The following CABIN1 variants were observed in gnomAD, a reference collection of about 807,000 sequenced individuals.
The protein encoded by CABIN1 is calcineurin binding protein 1.
A neutral mutation model predicts 227.7 loss-of-function variants in CABIN1; 133 were observed. That is an observed-to-expected ratio of 0.58 (90% CI 0.51 to 0.67). CABIN1 has a LOEUF of 0.67. CABIN1 is among the 30% of genes least tolerant of loss of function. The pLI is 0.00. For missense variants in CABIN1, 2,408 were observed against 2,852.5 expected (o/e 0.84, Z 3.55); for synonymous variants, 1,086 against 1,155.1 (o/e 0.94, Z 1.21).
At chr22:24,148,515 G>T (rs2267062) in intron 29 of CABIN1, among the ~76,000 whole-genome samples, 42,093 of 152,072 alleles carry the variant, frequency 0.28, 7,152 homozygotes, top group African/African-American at 0.47. Context: ...GCACCTGGTC[G>T]AAGTCCAGCA....
chr22:24,088,854 C>G (rs963864097), intron 23 of CABIN1, among the ~76,000 whole-genome samples: 1 of 152,196 alleles, frequency 6.6e-6, no homozygotes, highest in Admixed American at 6.5e-5. Context: ...CACTCAGCAC[C>G]ACACTGTTGA....
At position 24,167,131 on chromosome 22, in the gene CABIN1, G is replaced by T. The variant is rs2046498680; in HGVS notation, c.5500G>T (p.Gly1834Cys). 6.3e-7 allele frequency: 1 copy of T among 1,583,910 alleles called. No individual in the cohort carries two copies. ...PATTTGTRAG[G>C]HPEEPLSRLS... ...CACCACCACAGGGACCAGGGCAGGG[G>T]GCCACCCGGAGGAGCCGCTCTCCCG... Residue 1834 changes from glycine (G) to cysteine (C), a missense_variant, in exon 32 of 37, where the codon GGC becomes TGC. Around this residue, in one of 3 missense-constraint regions of CABIN1, gnomAD observed 714 missense variants for 773.8 expected, o/e 0.92. Transcript: ENST00000263119.
intron 29 of CABIN1, among the ~76,000 whole-genome samples, chr22:24,157,224 T>C (rs1346917191): frequency 1.3e-5 from 2 of 152,114 alleles, no homozygotes; most frequent in African/African-American, 2.4e-5. Flanking sequence ...TGGGGCCCCT[T>C]TCCTCCCAAC....
At chr22:24,053,092 T>C (rs1334162994) in intron 8 of CABIN1, among the ~76,000 whole-genome samples, 1 of 148,354 alleles carries the variant, frequency 6.7e-6, no homozygotes, top group Non-Finnish European at 1.5e-5. Flanking sequence ...TTTTTTTTTT[T>C]TTTGAGACAG....
intron 33 of CABIN1, among the ~76,000 whole-genome samples, chr22:24,168,883 G>C (rs562997232): frequency 6.6e-6 from 1 of 152,330 alleles, no homozygotes; most frequent in Admixed American, 6.5e-5. Flanking sequence ...GCAGGGGAAG[G>C]TGGAGATGCA....
intron 26 of CABIN1, among the ~76,000 whole-genome samples, chr22:24,104,004 A>G (rs992794271): frequency 1.3e-5 from 2 of 152,146 alleles, no homozygotes; most frequent in Admixed American, 1.3e-4. Context: ...CCATTTAGAC[A>G]TGGAGCTTGG....
intron 28 of CABIN1, among the ~76,000 whole-genome samples, chr22:24,125,362 T>C (rs2043654643): frequency 6.6e-6 from 1 of 152,192 alleles, no homozygotes; most frequent in Non-Finnish European, 1.5e-5. Flanking sequence ...CCCCACCCCT[T>C]GCCCCCCTGT....
At chr22:24,128,090 T>C (rs933846402) in intron 28 of CABIN1, among the ~76,000 whole-genome samples, 2 of 152,114 alleles carry the variant, frequency 1.3e-5, no homozygotes, top group Admixed American at 1.3e-4. Flanking sequence ...CCCACCCCCA[T>C]TGAGAACTAT....
At chr22:24,050,804 C>A (rs749807065) in intron 7 of CABIN1, 21 bp from the exon 8 acceptor site, 12 of 1,613,932 alleles carry the variant, frequency 7.4e-6, no homozygotes, top group Non-Finnish European at 1.0e-5. Context: ...GATAATTTCT[C>A]CCTGTCTCAC....
At chr22:24,173,357 T>G (rs944584964) in intron 34 of CABIN1, 2 of 152,200 alleles carry the variant, frequency 1.3e-5, no homozygotes, top group Non-Finnish European at 2.9e-5. Flanking sequence ...TGCTGATGTT[T>G]TCACCTGATG....
chr22:24,075,136 G>A (rs943868573), intron 18 of CABIN1, among the ~76,000 whole-genome samples: 6 of 152,172 alleles, frequency 3.9e-5, no homozygotes, highest in Non-Finnish European at 7.4e-5. Flanking sequence ...CCAGGAGTTG[G>A]AGGCTGCATT....
intron 23 of CABIN1, among the ~76,000 whole-genome samples, chr22:24,087,984 T>G (rs543206744): frequency 4.6e-5 from 7 of 152,186 alleles, no homozygotes; most frequent in Non-Finnish European, 8.8e-5. Context: ...AGTTGAGAGA[T>G]AGGGAGGGGA....
Position 24,087,577 on chromosome 22 carries a change from G to T in CABIN1, c.3389G>T (p.Arg1130Leu). The change falls in exon 23 of 37, where the codon CGT becomes CTT. Residue 1130 changes from arginine to leucine, a missense_variant. Physicochemically the swap from Arg to Leu is moderately radical, Grantham distance 102. Coordinates refer to ENST00000263119, the MANE Select transcript of CABIN1 (RefSeq NM_012295.4). ...KHATPVLNCF[R>L]RALEIDSSNL... ...GCCACGCCCGTCTTGAACTGCTTCC[G>T]TCGGGCCCTGGAGATTGACAGCTCC... 6.2e-7 allele frequency: 1 copy of T among 1,614,182 alleles called. No homozygotes were observed. Among genetic ancestry groups the T allele is most frequent in the Non-Finnish European group, 8.5e-7 (1 of 1,180,034 alleles).
intron 26 of CABIN1, among the ~76,000 whole-genome samples, chr22:24,099,259 A>C (rs372827405): frequency 7.9e-5 from 12 of 152,312 alleles, no homozygotes; most frequent in East Asian, 5.8e-4. Flanking sequence ...GCTTGAGAGC[A>C]GGTTTAAAGA....
chr22:24,123,554 C>G (rs1309182600), intron 28 of CABIN1, among the ~76,000 whole-genome samples: 2 of 152,210 alleles, frequency 1.3e-5, no homozygotes, highest in African/African-American at 4.8e-5. Flanking sequence ...GTTGTTAACA[C>G]CTAGCTCCCC....
chr22:24,174,447 G>C (rs535216523), intron 34 of CABIN1, among the ~76,000 whole-genome samples: 46 of 152,322 alleles, frequency 3.0e-4, no homozygotes, highest in African/African-American at 1.0e-3. Context: ...GTGACGTCAA[G>C]GTGTGGGGGT....
intron 20 of CABIN1, among the ~76,000 whole-genome samples, chr22:24,084,261 TG>T (rs1251602905): frequency 1.3e-5 from 2 of 150,746 alleles, no homozygotes; most frequent in Non-Finnish European, 3.0e-5. Context: ...TTTTTTGAGA[TG>T]GAGTCTCACT....
intron 1 of CABIN1, 38 bp from the exon 2 acceptor site, chr22:24,035,406 C>T: frequency 7.0e-7 from 1 of 1,433,956 alleles, no homozygotes; most frequent in South Asian, 1.1e-5. Flanking sequence ...CCTGGCTCTT[C>T]ATAGGCCTTG....
chr22:24,095,310 G>A (rs1263972330), intron 24 of CABIN1, among the ~76,000 whole-genome samples: 1 of 152,234 alleles, frequency 6.6e-6, no homozygotes, highest in Non-Finnish European at 1.5e-5. Context: ...GGGCATTCCC[G>A]GCTGTGGGGC....
Sources: allele counts gnomAD v4.1 joint callset (sites outside exome capture counted in the v4.1 genomes callset), GRCh38; gene constraint gnomAD v4.1.1; regional missense constraint gnomAD v4.1.1; transcripts MANE v1.5; gene names NCBI Gene and HGNC (gene_info 2026-07-23, HGNC 2026-07-21).